The following EML6 variants were observed in gnomAD, a reference collection of about 807,000 sequenced individuals.
The protein encoded by EML6 is EMAP like 6.
Under a neutral mutation model 240.1 loss-of-function variants are expected in EML6, and 154 were observed. That is an observed-to-expected ratio of 0.64 (90% CI 0.56 to 0.73). The LOEUF (loss-of-function observed/expected upper bound fraction) is 0.73, where lower values mean the gene tolerates loss of function less well. Ranked by LOEUF, EML6 falls within the 30% of genes least tolerant of loss-of-function variation. EML6 has a pLI of 0.00. For missense variants in EML6, 2,964 were observed against 2,474.6 expected (o/e 1.20, Z -4.20); for synonymous variants, 1,148 against 899.0 (o/e 1.28, Z -4.95).
chr2:54,811,110 G>C (rs1290210421), intron 2 of EML6, among the ~76,000 whole-genome samples: 1 of 151,810 alleles, frequency 6.6e-6, no homozygotes, highest in South Asian at 2.1e-4. Flanking sequence ...CTCTACCCAT[G>C]TCTTCCCTCC....
Position 54,789,396 on chromosome 2 carries a change from C to A in EML6, c.198-23836C>A, listed in dbSNP as rs1172467523. Among the ~76,000 whole-genome samples the A allele has an allele frequency of 2.0e-5, 3 of 151,026 alleles. No individual in the cohort carries two copies. The East Asian group carries it at 5.8e-4, about 29-fold the overall frequency. On this transcript the variant is annotated intron_variant, in intron 2 of 41. Coordinates refer to ENST00000356458, the MANE Select transcript of EML6 (RefSeq NM_001039753.4). ...GGGCGTGATGGCGGGCGCCTGTAGT[C>A]CCAGCTACTCGGGAGGCTGAGGCAG...
At chr2:54,782,772 T>C (rs1354887900) in intron 2 of EML6, among the ~76,000 whole-genome samples, 2 of 152,134 alleles carry the variant, frequency 1.3e-5, no homozygotes, top group African/African-American at 4.8e-5. Flanking sequence ...CCATTTTGTT[T>C]TACCCTCTTA....
intron 26 of EML6, among the ~76,000 whole-genome samples, chr2:54,919,497 G>A (rs1674110924): frequency 6.6e-6 from 1 of 152,116 alleles, no homozygotes. Flanking sequence ...ATACACATCT[G>A]TTTCTGTCCA....
intron 2 of EML6, among the ~76,000 whole-genome samples, chr2:54,789,884 G>T (rs559722592): frequency 6.6e-6 from 1 of 152,338 alleles, no homozygotes; most frequent in East Asian, 1.9e-4. Flanking sequence ...AGAGCTTTAT[G>T]ACACAGAATA....
intron 32 of EML6, among the ~76,000 whole-genome samples, chr2:54,954,631 T>G (rs549194549): frequency 6.6e-6 from 1 of 152,336 alleles, no homozygotes; most frequent in Admixed American, 6.5e-5. Context: ...TTAACACTTT[T>G]GAAATAGGGA....
At chr2:54,753,710 A>C (rs908031595) in intron 2 of EML6, among the ~76,000 whole-genome samples, 1 of 150,304 alleles carries the variant, frequency 6.7e-6, no homozygotes, top group African/African-American at 2.5e-5. Flanking sequence ...CTGTGGCTCA[A>C]ACTGGAGTGC....
At chr2:54,763,828 C>G (rs922472100) in intron 2 of EML6, among the ~76,000 whole-genome samples, 17 of 152,140 alleles carry the variant, frequency 1.1e-4, no homozygotes, top group Non-Finnish European at 1.9e-4. Flanking sequence ...GGGCGTGACA[C>G]TAGGGGGCAC....
chr2:54,809,498 TCTG>T (rs1667715814), intron 2 of EML6, among the ~76,000 whole-genome samples: 2 of 152,158 alleles, frequency 1.3e-5, no homozygotes, highest in Non-Finnish European at 2.9e-5. Flanking sequence ...GACCTTTTAA[TCTG>T]CTGGTTGACT....
chr2:54,797,163 T>C (rs747662124), intron 2 of EML6, among the ~76,000 whole-genome samples: 2,727 of 19,546 alleles, frequency 0.14, 64 homozygotes, highest in Admixed American at 0.24. Flanking sequence ...AGACTCCATC[T>C]CAAAAAAAAA....
chr2:54,879,517 A>G (rs1399898254), intron 16 of EML6, 30 bp from the exon 17 acceptor site: 2 of 1,468,732 alleles, frequency 1.4e-6, no homozygotes, highest in Non-Finnish European at 1.9e-6. Context: ...TCATGGAAGA[A>G]ATTTTGACAT....
chr2:54,794,287 G>A (rs575040342), intron 2 of EML6, among the ~76,000 whole-genome samples: 49 of 152,280 alleles, frequency 3.2e-4, no homozygotes, highest in African/African-American at 1.2e-3. Flanking sequence ...TCAAGTCCCT[G>A]TTAATGTAGG....
At chr2:54,750,311 T>C (rs1307330410) in intron 2 of EML6, among the ~76,000 whole-genome samples, 1 of 152,202 alleles carries the variant, frequency 6.6e-6, no homozygotes, top group Non-Finnish European at 1.5e-5. Flanking sequence ...GATGGCTTCA[T>C]AGCTACTTAC....
At chr2:54,845,889 G>T (rs1669724122) in intron 8 of EML6, among the ~76,000 whole-genome samples, 2 of 152,184 alleles carry the variant, frequency 1.3e-5, no homozygotes, top group South Asian at 4.1e-4. Flanking sequence ...TAGGTTCTCA[G>T]TCTCCCAGAC....
chr2:54,945,331 A>C lies in EML6; in HGVS notation c.4005-3551A>C, dbSNP rs145395103. On this transcript the variant is annotated intron_variant, in intron 28 of 41. Coordinates refer to ENST00000356458, the MANE Select transcript of EML6 (RefSeq NM_001039753.4). ...CCCCCTCCCCTTTGGATTTCCCAAG[A>C]CATTCTAAAACCATTGGAGCATTTT... 2.0e-3 allele frequency among the ~76,000 whole-genome samples: 277 copies of C among 141,754 alleles called. 1 individual carries two copies. Among genetic ancestry groups the C allele is most frequent in the African/African-American group, 7.1e-3 (269 of 37,728 alleles). 93.0% of individuals were successfully genotyped at this position (141,754 alleles called of 152,430 possible).
chr2:54,751,708 A>G (rs1038658581), intron 2 of EML6, among the ~76,000 whole-genome samples: 8 of 152,190 alleles, frequency 5.3e-5, no homozygotes, highest in East Asian at 1.9e-4. Context: ...ATGTTATTCC[A>G]TGTTGGCACA....
At chr2:54,776,741 C>T (rs1383376952) in intron 2 of EML6, among the ~76,000 whole-genome samples, 1 of 152,100 alleles carries the variant, frequency 6.6e-6, no homozygotes, top group African/African-American at 2.4e-5. Flanking sequence ...CCACCCCACC[C>T]CCACGTCCTG....
intron 2 of EML6, among the ~76,000 whole-genome samples, chr2:54,776,376 C>A (rs931826065): frequency 6.6e-6 from 1 of 152,050 alleles, no homozygotes. Context: ...AGAAATTTGT[C>A]TTTATACATT....
At chr2:54,811,196 T>G (rs1184786274) in intron 2 of EML6, among the ~76,000 whole-genome samples, 1 of 152,074 alleles carries the variant, frequency 6.6e-6, no homozygotes, top group Non-Finnish European at 1.5e-5. Flanking sequence ...ACCCCTGCAT[T>G]TCATCACTGC....
chr2:54,855,306 G>A (rs1021759787), intron 11 of EML6, among the ~76,000 whole-genome samples: 2 of 152,138 alleles, frequency 1.3e-5, no homozygotes, highest in African/African-American at 4.8e-5. Context: ...CACAAAGCCA[G>A]AGCAGGAGCA....
Sources: allele counts gnomAD v4.1 joint callset (sites outside exome capture counted in the v4.1 genomes callset), GRCh38; gene constraint gnomAD v4.1.1; transcripts MANE v1.5; gene names NCBI Gene and HGNC (gene_info 2026-07-23, HGNC 2026-07-21).